The following TRIM2 variants were observed in gnomAD, a reference collection of about 807,000 sequenced individuals.
The protein encoded by TRIM2 is tripartite motif-containing protein 2.
Under a neutral mutation model 75.2 loss-of-function variants are expected in TRIM2, and 20 were observed. The ratio of observed to expected loss-of-function variants is 0.27; its 90% confidence interval spans 0.19 to 0.39. The LOEUF (loss-of-function observed/expected upper bound fraction) is 0.39, where lower values mean the gene tolerates loss of function less well. Ranked by LOEUF, TRIM2 falls within the 10% of genes least tolerant of loss-of-function variation. TRIM2 has a pLI of 1.00. For synonymous variants in TRIM2, 373 were observed against 388.3 expected, an observed-to-expected ratio of 0.96 and a Z score of 0.46; for missense variants, 660 against 990.8, an observed-to-expected ratio of 0.67 and a Z score of 4.48.
At chr4:153,170,161 G>A (rs938811343) in intron 1 of TRIM2, among the ~76,000 whole-genome samples, 1 of 152,150 alleles carries the variant, frequency 6.6e-6, no homozygotes, top group Non-Finnish European at 1.5e-5. Flanking sequence ...GAAAAGGGAG[G>A]TGGAGGAGAA....
intron 1 of TRIM2, among the ~76,000 whole-genome samples, chr4:153,175,461 T>C (rs1198609778): frequency 6.6e-6 from 1 of 151,764 alleles, no homozygotes; most frequent in East Asian, 1.9e-4. Flanking sequence ...GAGACTGGAC[T>C]CTCAGAACTG....
chr4:153,244,415 TTC>T lies in TRIM2; in HGVS notation c.31-25918_31-25917del, dbSNP rs1323103115. 6.8e-4 allele frequency among the ~76,000 whole-genome samples: 67 copies of T among 98,310 alleles called. 8 individuals carry two copies. Among genetic ancestry groups the T allele is most frequent in the Non-Finnish European group, 1.2e-3 (58 of 50,248 alleles). The allele number at this position is 98,310 out of a possible 152,430, so 64.5% of individuals were successfully genotyped here. ...CTTCTTCTTCTTCTTCTTCTTCTTC[TTC>T]TTCTTCTTCTTCTTCTTCTTTTAAT... On this transcript the variant is annotated intron_variant, in intron 1 of 11. Coordinates refer to ENST00000338700, the MANE Select transcript of TRIM2 (RefSeq NM_015271.5).
intron 1 of TRIM2, among the ~76,000 whole-genome samples, chr4:153,234,837 A>G (rs1744591853): frequency 6.6e-6 from 1 of 152,160 alleles, no homozygotes; most frequent in Non-Finnish European, 1.5e-5. Flanking sequence ...CAGCTATTTG[A>G]CATCTCCAGG....
chr4:153,232,327 C>T (rs1304902166), intron 1 of TRIM2, among the ~76,000 whole-genome samples: 1 of 152,012 alleles, frequency 6.6e-6, no homozygotes, highest in Non-Finnish European at 1.5e-5. Flanking sequence ...GGTGAAACCC[C>T]GTCTCTACTA....
At position 153,294,456 on chromosome 4, in the gene TRIM2, T is replaced by C. The variant is rs748899501; in HGVS notation, c.757T>C (p.Leu253=). The C allele has an allele frequency of 1.5e-5, 24 of 1,613,844 alleles. No homozygotes were observed. In the Admixed American group the frequency reaches 1.7e-4, roughly 11 times the overall value. ...GCGCAAGAGTGTGCTGCTTATGGAA[T>C]TGGAGGTCAACTATGGCCTCAAACA... ...NVRKSVLLME[L]EVNYGLKHKV... The change falls in exon 5 of 12, where the codon TTG becomes CTG. Residue 253 remains leucine, a synonymous_variant. Coordinates refer to ENST00000338700, the MANE Select transcript of TRIM2 (RefSeq NM_015271.5).
At chr4:153,250,888 T>G (rs902716513) in intron 1 of TRIM2, among the ~76,000 whole-genome samples, 1 of 152,198 alleles carries the variant, frequency 6.6e-6, no homozygotes, top group African/African-American at 2.4e-5. Context: ...AGGAGTGATT[T>G]TGAGAGGTTC....
intron 6 of TRIM2, among the ~76,000 whole-genome samples, chr4:153,298,976 C>T (rs574925080): frequency 1.3e-4 from 20 of 152,150 alleles, no homozygotes; most frequent in Middle Eastern, 6.8e-3. Context: ...TGGACTCAAA[C>T]AATCTCCCCA....
chr4:153,155,953 CA>C, intron 1 of TRIM2, among the ~76,000 whole-genome samples: 1 of 152,218 alleles, frequency 6.6e-6, no homozygotes, highest in African/African-American at 2.4e-5. Context: ...GCTGAGGAGG[CA>C]GCTGTGAGCC....
rs541200348 is a variant in TRIM2, at chr4:153,335,210, A to C, written c.*244A>C. 8.4e-7 allele frequency: 1 copy of C among 1,189,360 alleles called. No homozygotes were observed. The highest frequency in any genetic ancestry group is 1.0e-6 in the Non-Finnish European group (1 of 959,146). 73.7% of individuals were successfully genotyped at this position (1,189,360 alleles called of 1,614,324 possible). The stretch of plus-strand genomic sequence containing the variant: ...AAAAACTGCAGTTTTACATCTGTGA[A>C]CTATGGCTTAAGGGACAGGATTTAT... On this transcript the variant is annotated 3_prime_UTR_variant, in exon 12 of 12. Transcript: ENST00000338700.
At chr4:153,304,051 G>C (rs1329599969) in intron 6 of TRIM2, among the ~76,000 whole-genome samples, 5 of 152,116 alleles carry the variant, frequency 3.3e-5, no homozygotes, top group Non-Finnish European at 7.4e-5. Context: ...AGGATGGTGG[G>C]GGGAGAAGGC....
rs562447546 is a variant in TRIM2 at position 153,172,248 on chromosome 4, T to C, written c.-49+18978T>C. On this transcript the variant is annotated intron_variant, in intron 1 of 11. Transcript: ENST00000437508. ...TTTCACCCAGGCCGGAGTGCAGTGGTGCTATCTTGGCTCACTGCAAGCTCC... is the reference window on the plus strand; with the variant it reads ...TTTCACCCAGGCCGGAGTGCAGTGGCGCTATCTTGGCTCACTGCAAGCTCC... Among the ~76,000 whole-genome samples the C allele has an allele frequency of 2.6e-5, 4 of 152,186 alleles. No individual in the cohort carries two copies. In the South Asian group the frequency reaches 6.2e-4, roughly 24 times the overall value.
At chr4:153,178,451 T>G (rs1319726615) in intron 1 of TRIM2, among the ~76,000 whole-genome samples, 1 of 152,172 alleles carries the variant, frequency 6.6e-6, no homozygotes, top group Admixed American at 6.5e-5. Context: ...ATACCTTGAG[T>G]CAGAATGAAG....
Position 153,336,339 on chromosome 4 carries a change from T to G in TRIM2, c.*1373T>G. The G allele has an allele frequency of 1.0e-6, 1 of 962,026 alleles. No homozygotes were observed. The highest frequency in any genetic ancestry group is 1.2e-6 in the Non-Finnish European group (1 of 824,784). The allele number at this position is 962,026 out of a possible 1,614,324, so 59.6% of individuals were successfully genotyped here. On this transcript the variant is annotated 3_prime_UTR_variant, in exon 12 of 12. Transcript: ENST00000338700. ...GGCTTTTAGTCAGAAAATGGCCTTCTGTGCTTTCAAAAAAAAAAACAAAAA... is the reference window on the plus strand; with the variant it reads ...GGCTTTTAGTCAGAAAATGGCCTTCGGTGCTTTCAAAAAAAAAAACAAAAA...
At chr4:153,306,435 GTATAGTAGGCAGTTTGCAGTA>G (rs1458229043) in intron 6 of TRIM2, among the ~76,000 whole-genome samples, 13 of 152,192 alleles carry the variant, frequency 8.5e-5, no homozygotes, top group African/African-American at 2.9e-4. Flanking sequence ...AGGTTGAAGT[GTATAGTAGGCAGTTTGCAGTA>G]TAGGTTTGGA....
intron 8 of TRIM2, among the ~76,000 whole-genome samples, chr4:153,316,403 A>G (rs1161193098): frequency 1.3e-5 from 2 of 152,188 alleles, no homozygotes; most frequent in African/African-American, 4.8e-5. Context: ...CCTGTGACAG[A>G]TGATATGGGA....
chr4:153,269,221 A>G (rs1204853194), intron 1 of TRIM2, among the ~76,000 whole-genome samples: 1 of 152,212 alleles, frequency 6.6e-6, no homozygotes, highest in Non-Finnish European at 1.5e-5. Flanking sequence ...TTTGGGTTTT[A>G]TATACCATTT....
chr4:153,266,790 TAA>T (rs1755253455), intron 1 of TRIM2: 1 of 151,968 alleles, frequency 6.6e-6, no homozygotes, highest in African/African-American at 2.4e-5. Context: ...CAGCCTGTTT[TAA>T]AAATCATATC....
At chr4:153,315,350 G>T in intron 6 of TRIM2, 135 bp from the exon 7 acceptor site, 1 of 627,014 alleles carries the variant, frequency 1.6e-6, no homozygotes, top group Non-Finnish European at 2.7e-6. Context: ...GGGGAGGGAG[G>T]GTGCCCTTTT....
At chr4:153,307,995 A>G (rs1765403230) in intron 6 of TRIM2, 1 of 761,564 alleles carries the variant, frequency 1.3e-6, no homozygotes, top group Non-Finnish European at 2.5e-6. Flanking sequence ...GACCAGGTTC[A>G]GGAAAGAATT....
Sources: allele counts gnomAD v4.1 joint callset (sites outside exome capture counted in the v4.1 genomes callset), GRCh38; gene constraint gnomAD v4.1.1; transcripts MANE v1.5; gene names NCBI Gene and HGNC (gene_info 2026-07-23, HGNC 2026-07-21).